DLG2: variants seen among roughly 807,000 people sequenced by gnomAD.
The protein encoded by DLG2 is discs large MAGUK scaffold protein 2.
A neutral mutation model predicts 132.5 loss-of-function variants in DLG2; 45 were observed. The ratio of observed to expected loss-of-function variants is 0.34; its 90% CI spans 0.27 to 0.44. The LOEUF (loss-of-function observed/expected upper bound fraction) is 0.44, where lower values mean the gene tolerates loss of function less well. DLG2 is among the 20% of genes least tolerant of loss of function. DLG2 has a pLI of 1.00. For missense variants in DLG2, 1,045 were observed against 1,196.9 expected, an observed-to-expected ratio of 0.87 and a Z score of 1.87; for synonymous variants, 424 against 419.6, an observed-to-expected ratio of 1.01 and a Z score of -0.13.
At chr11:83,876,363 T>C (rs936420867) in intron 15 of DLG2, among the ~76,000 whole-genome samples, 1 of 152,174 alleles carries the variant, frequency 6.6e-6, no homozygotes, top group Non-Finnish European at 1.5e-5. Context: ...CAGTTAGTCA[T>C]ACAGTCAGTG....
chr11:83,947,214 AT>A (rs1382304673), intron 14 of DLG2, among the ~76,000 whole-genome samples: 1 of 150,586 alleles, frequency 6.6e-6, no homozygotes, highest in African/African-American at 2.4e-5. Flanking sequence ...GAATGCAAAT[AT>A]TTGTGATTAC....
At chr11:85,298,383 C>G (rs996031430) in intron 3 of DLG2, among the ~76,000 whole-genome samples, 4 of 152,068 alleles carry the variant, frequency 2.6e-5, no homozygotes, top group Non-Finnish European at 4.4e-5. Flanking sequence ...CTGGAAAACA[C>G]AACTTCAATT....
intron 3 of DLG2, among the ~76,000 whole-genome samples, chr11:85,572,074 T>C (rs974990254): frequency 6.6e-6 from 1 of 152,180 alleles, no homozygotes; most frequent in African/African-American, 2.4e-5. Context: ...CTTGACAAAG[T>C]GCTCTTCTAA....
At chr11:85,107,642 A>T (rs538003506) in intron 6 of DLG2, among the ~76,000 whole-genome samples, 1 of 152,132 alleles carries the variant, frequency 6.6e-6, no homozygotes, top group African/African-American at 2.4e-5. Context: ...AGATGGCAGA[A>T]GCTCAGGTAG....
intron 18 of DLG2, among the ~76,000 whole-genome samples, chr11:83,718,451 G>T (rs1029743544): frequency 6.7e-6 from 1 of 149,862 alleles, no homozygotes; most frequent in South Asian, 2.1e-4. Flanking sequence ...TTGAACCTGG[G>T]AGGCGGAGCT....
Position 84,632,024 on chromosome 11 carries a change from A to C in DLG2, c.358-97293T>G, listed in dbSNP as rs532324693. ...AATGTCATTTCACTTGCTTTTCCTC[A>C]CTGCCACACCCCAGGCTTTGCCTGA... On this transcript the variant is annotated intron_variant, in intron 6 of 27. Transcript: ENST00000376104. 2.0e-5 allele frequency among the ~76,000 whole-genome samples: 3 copies of C among 152,316 alleles called. No homozygotes were observed. In the South Asian group the frequency reaches 6.2e-4, roughly 32 times the overall value.
rs188339571 is a variant in DLG2 at position 84,641,672 on chromosome 11, C to G, written c.358-106941G>C. Among the ~76,000 whole-genome samples the G allele has an allele frequency of 3.6e-3, 541 of 152,222 alleles. 13 individuals carry two copies. Among genetic ancestry groups the G allele is most frequent in the Admixed American group, 0.03 (466 of 15,296 alleles). ...AGGCCAGACTACCCAGTTAAAAACT[C>G]TGGCTCAATTCTACTTTCAAGCTTG... is the stretch of plus-strand genomic sequence containing the variant. On this transcript the variant is annotated intron_variant, in intron 6 of 27. Coordinates refer to ENST00000376104, the MANE Select transcript of DLG2 (RefSeq NM_001142699.3).
intron 15 of DLG2, among the ~76,000 whole-genome samples, chr11:83,923,200 G>A (rs559721179): frequency 5.1e-4 from 77 of 152,238 alleles, no homozygotes; most frequent in African/African-American, 1.8e-3. Flanking sequence ...CAATATACAT[G>A]AGTTCAAGGC....
intron 18 of DLG2, among the ~76,000 whole-genome samples, chr11:83,745,936 T>G (rs1363127930): frequency 1.3e-5 from 2 of 152,150 alleles, no homozygotes; most frequent in African/African-American, 2.4e-5. Context: ...CAGACACTTC[T>G]CAAAAGAAGA....
At position 84,722,226 on chromosome 11, in the gene DLG2, C is replaced by T. The variant is rs2061917602; in HGVS notation, c.358-187495G>A. ...TTCCAAGACACTTAACAATTTGGTGCTAAATTCAGAAATCCCACCTGAAAT... is the reference window on the plus strand; with the variant it reads ...TTCCAAGACACTTAACAATTTGGTGTTAAATTCAGAAATCCCACCTGAAAT... On this transcript the variant is annotated intron_variant, in intron 6 of 27. Transcript: ENST00000376104. Among the ~76,000 whole-genome samples the T allele has an allele frequency of 5.3e-5, 8 of 152,248 alleles. No homozygotes were observed. In the South Asian group the frequency reaches 1.7e-3, roughly 32 times the overall value.
At chr11:85,511,444 A>T (rs946367580) in intron 3 of DLG2, among the ~76,000 whole-genome samples, 14 of 151,984 alleles carry the variant, frequency 9.2e-5, no homozygotes, top group Non-Finnish European at 5.9e-5. Flanking sequence ...TTGAGTTATT[A>T]ATTTCAAGAA....
chr11:84,720,117 G>A (rs1174058845), intron 6 of DLG2, among the ~76,000 whole-genome samples: 2 of 152,038 alleles, frequency 1.3e-5, no homozygotes, highest in African/African-American at 4.8e-5. Flanking sequence ...GCCCAACATC[G>A]GACGCCAGAA....
intron 18 of DLG2, among the ~76,000 whole-genome samples, chr11:83,770,797 G>T (rs1196066800): frequency 1.3e-5 from 2 of 151,970 alleles, no homozygotes; most frequent in Non-Finnish European, 2.9e-5. Context: ...CAAATTGTGA[G>T]AAAAAATTAC....
chr11:83,720,313 A>G (rs76997429), intron 18 of DLG2, among the ~76,000 whole-genome samples: 62 of 142,934 alleles, frequency 4.3e-4, no homozygotes, highest in Middle Eastern at 3.6e-3. Flanking sequence ...AAAAAAAAAA[A>G]AAAAAAAAAA....
chr11:85,157,932 G>C (rs115026467), intron 4 of DLG2, among the ~76,000 whole-genome samples: 10 of 151,964 alleles, frequency 6.6e-5, no homozygotes, highest in East Asian at 1.9e-4. Flanking sequence ...CCTTTCCACC[G>C]TTGTCTGAGG....
intron 3 of DLG2, among the ~76,000 whole-genome samples, chr11:85,439,901 G>T (rs1214438626): frequency 6.6e-6 from 1 of 152,124 alleles, no homozygotes; most frequent in African/African-American, 2.4e-5. Flanking sequence ...ATAAAGTATA[G>T]ATTAGTGCCA....
chr11:84,437,669 G>C (rs2099005033), intron 7 of DLG2: 1 of 152,376 alleles, frequency 6.6e-6, no homozygotes. Context: ...CCAGTCTGCA[G>C]GTATATTTAC....
intron 10 of DLG2, among the ~76,000 whole-genome samples, chr11:84,063,407 C>T (rs1250937451): frequency 6.6e-6 from 1 of 152,192 alleles, no homozygotes; most frequent in Non-Finnish European, 1.5e-5. Context: ...CTAAATTTTG[C>T]ACTAAATCAA....
Position 84,192,983 on chromosome 11 carries a change from A to C in DLG2, c.574-29472T>G, listed in dbSNP as rs142053916. On this transcript the variant is annotated intron_variant, in intron 8 of 27. Coordinates refer to ENST00000376104, the MANE Select transcript of DLG2 (RefSeq NM_001142699.3). The stretch of plus-strand genomic sequence containing the variant: ...CTACTCTATTGAAATGCCTGCTTTA[A>C]AATTAAAAAAAATTAGTGAATTTTA... Among the ~76,000 whole-genome samples the C allele has an allele frequency of 1.1e-3, 170 of 152,292 alleles. 1 individual carries two copies. Among genetic ancestry groups the C allele is most frequent in the African/African-American group, 3.6e-3 (151 of 41,568 alleles).
Sources: allele counts gnomAD v4.1 joint callset (sites outside exome capture counted in the v4.1 genomes callset), GRCh38; gene constraint gnomAD v4.1.1; transcripts MANE v1.5; gene names NCBI Gene and HGNC (gene_info 2026-07-23, HGNC 2026-07-21).